Variants in ZDHHC17 observed in about 807,000 individuals in gnomAD.
ZDHHC17 encodes the protein zDHHC palmitoyltransferase 17.
In ZDHHC17, 40 loss-of-function variants were observed where a neutral mutation model predicts 90.3. That is an observed-to-expected ratio of 0.44 (90% CI 0.34 to 0.58). ZDHHC17 has a LOEUF of 0.58. Among genes scored for constraint, ZDHHC17 ranks in the 20% least tolerant of loss-of-function variants. The pLI is 0.01. For synonymous variants in ZDHHC17, 235 were observed against 252.4 expected, an observed-to-expected ratio of 0.93 and a Z score of 0.65; for missense variants, 614 against 780.8, an observed-to-expected ratio of 0.79 and a Z score of 2.55.
At chr12:76,836,378 T>A (rs1336520232) in intron 10 of ZDHHC17, among the ~76,000 whole-genome samples, 1 of 152,042 alleles carries the variant, frequency 6.6e-6, no homozygotes, top group Admixed American at 6.6e-5. Flanking sequence ...CCATTTCTTT[T>A]CTTTTAAAAT....
At chr12:76,848,118 A>T (rs1011859068) in intron 14 of ZDHHC17, 115 bp from the exon 15 acceptor site, 1 of 1,009,956 alleles carries the variant, frequency 9.9e-7, no homozygotes, top group Non-Finnish European at 1.4e-6. Flanking sequence ...ATTGAATGTC[A>T]TCAGTTAAAT....
At chr12:76,782,343 T>C (rs939841356) in intron 1 of ZDHHC17, among the ~76,000 whole-genome samples, 1 of 152,160 alleles carries the variant, frequency 6.6e-6, no homozygotes, top group Non-Finnish European at 1.5e-5. Context: ...AAAAGTATGA[T>C]TTGGGTCTCC....
chr12:76,779,241 A>G (rs1226998364), intron 1 of ZDHHC17, among the ~76,000 whole-genome samples: 3 of 152,104 alleles, frequency 2.0e-5, no homozygotes, highest in Non-Finnish European at 4.4e-5. Context: ...ATTTGCAGTT[A>G]TTTTCTCCCA....
chr12:76,771,885 G>T (rs1952496572), intron 1 of ZDHHC17, among the ~76,000 whole-genome samples: 1 of 152,162 alleles, frequency 6.6e-6, no homozygotes, highest in African/African-American at 2.4e-5. Context: ...CTAAACTCAG[G>T]ATGCAAGGAT....
chr12:76,825,069 G>T (rs1953213973), intron 8 of ZDHHC17, among the ~76,000 whole-genome samples: 1 of 152,062 alleles, frequency 6.6e-6, no homozygotes, highest in Non-Finnish European at 1.5e-5. Context: ...GAGTAGGAGG[G>T]AAGTTGGCTA....
chr12:76,813,098 T>A (rs2137766515), intron 5 of ZDHHC17, among the ~76,000 whole-genome samples: 1 of 152,206 alleles, frequency 6.6e-6, no homozygotes, highest in South Asian at 2.1e-4. Context: ...ATTGATATTT[T>A]TAATACTATC....
At chr12:76,792,837 T>G (rs1355728211) in intron 1 of ZDHHC17, among the ~76,000 whole-genome samples, 1 of 152,198 alleles carries the variant, frequency 6.6e-6, no homozygotes, top group Non-Finnish European at 1.5e-5. Flanking sequence ...TGAAGAAATC[T>G]TGTATAAAGC....
intron 10 of ZDHHC17, among the ~76,000 whole-genome samples, chr12:76,835,931 T>TA (rs1953357670): frequency 2.0e-5 from 3 of 151,930 alleles, no homozygotes; most frequent in African/African-American, 4.8e-5. Flanking sequence ...CCCTTTTTTT[T>TA]AACTTTTTGT....
At chr12:76,844,235 C>G (rs905728943) in intron 12 of ZDHHC17, 1 of 152,124 alleles carries the variant, frequency 6.6e-6, no homozygotes, top group Non-Finnish European at 1.5e-5. Context: ...ATTTTGTCAT[C>G]ATAGCATAAA....
chr12:76,815,122 CT>C (rs748355528), intron 5 of ZDHHC17, 23 bp from the exon 6 acceptor site: 5 of 1,517,676 alleles, frequency 3.3e-6, no homozygotes, highest in Non-Finnish European at 4.4e-6. Flanking sequence ...AACTGTCTGA[CT>C]TTTTTTCTTT....
chr12:76,767,030 AAAAAG>A (rs1268991600), intron 1 of ZDHHC17, among the ~76,000 whole-genome samples: 29 of 151,854 alleles, frequency 1.9e-4, no homozygotes, highest in Non-Finnish European at 2.9e-4. Context: ...AAAAAAAAAA[AAAAAG>A]AAAAGAAAAG....
intron 5 of ZDHHC17, chr12:76,813,538 T>G: frequency 3.5e-6 from 1 of 289,088 alleles, no homozygotes; most frequent in Non-Finnish European, 6.8e-6. Context: ...TATGCTTAGA[T>G]AATGTTCACA....
chr12:76,832,230 A>G (rs34770468), intron 10 of ZDHHC17, among the ~76,000 whole-genome samples: 22,710 of 152,200 alleles, frequency 0.15, 2,205 homozygotes, highest in Non-Finnish European at 0.22. Context: ...CACAAGGCTT[A>G]TAATATATGG....
At chr12:76,819,891 G>T (rs1387218684) in intron 7 of ZDHHC17, among the ~76,000 whole-genome samples, 1 of 151,840 alleles carries the variant, frequency 6.6e-6, no homozygotes. Context: ...TACTCGGGAG[G>T]CTGAGGCAGG....
chr12:76,793,245 GTGCAGTGGCTCC>G (rs1565772720), intron 1 of ZDHHC17, among the ~76,000 whole-genome samples: 1 of 152,254 alleles, frequency 6.6e-6, no homozygotes, highest in Admixed American at 6.5e-5. Flanking sequence ...ATGAGGCTGA[GTGCAGTGGCTCC>G]TGCCTGTAAT....
intron 1 of ZDHHC17, among the ~76,000 whole-genome samples, chr12:76,767,812 A>G (rs192512127): frequency 0.011 from 1,683 of 152,188 alleles, 12 homozygotes; most frequent in Non-Finnish European, 0.017. Context: ...CCAGCTCCTC[A>G]GGAGGCTGAG....
intron 9 of ZDHHC17, 64 bp from the exon 10 acceptor site, chr12:76,828,326 A>T: frequency 7.4e-7 from 1 of 1,352,952 alleles, no homozygotes; most frequent in Non-Finnish European, 1.0e-6. Context: ...ATTTTCATTT[A>T]AATAAATACT....
intron 8 of ZDHHC17, among the ~76,000 whole-genome samples, chr12:76,826,529 T>G (rs900118141): frequency 1.3e-5 from 2 of 152,222 alleles, no homozygotes; most frequent in African/African-American, 4.8e-5. Context: ...ATAATTCTTA[T>G]ACTATTAGTC....
At chr12:76,767,891 A>G (rs747358872) in intron 1 of ZDHHC17, among the ~76,000 whole-genome samples, 4 of 152,258 alleles carry the variant, frequency 2.6e-5, no homozygotes, top group Non-Finnish European at 5.9e-5. Flanking sequence ...AGCCTGGGCA[A>G]CAAGAGCAAA....
Sources: allele counts gnomAD v4.1 joint callset (sites outside exome capture counted in the v4.1 genomes callset), GRCh38; gene constraint gnomAD v4.1.1; transcripts MANE v1.5; gene names NCBI Gene and HGNC (gene_info 2026-07-23, HGNC 2026-07-21).